PLEKHG1: variants seen among roughly 807,000 people sequenced by gnomAD.
PLEKHG1 encodes the protein pleckstrin homology domain-containing family G member 1.
Under a neutral mutation model 100.8 loss-of-function variants are expected in PLEKHG1, and 44 were observed. The ratio of observed to expected loss-of-function variants is 0.44; its 90% CI spans 0.34 to 0.56. PLEKHG1 has a LOEUF of 0.56. Ranked by LOEUF, PLEKHG1 falls within the 20% of genes least tolerant of loss-of-function variation. PLEKHG1 has a pLI of 0.01. For synonymous variants in PLEKHG1, 640 were observed against 662.5 expected, an observed-to-expected ratio of 0.97 and a Z score of 0.52; for missense variants, 1,545 against 1,720.9, an observed-to-expected ratio of 0.90 and a Z score of 1.81.
At chr6:150,817,067 G>A (rs148765025) in intron 10 of PLEKHG1, among the ~76,000 whole-genome samples, 261 of 152,302 alleles carry the variant, frequency 1.7e-3, no homozygotes, top group Middle Eastern at 6.8e-3. Context: ...CCTGCTGTGC[G>A]GCCCAGTTCC....
intron 14 of PLEKHG1, 24 bp downstream of exon 15, chr6:150,823,700 T>G: frequency 6.3e-7 from 1 of 1,597,302 alleles, no homozygotes; most frequent in African/African-American, 1.3e-5. Flanking sequence ...CATTTCTTAC[T>G]TGGAAATGTT....
upstream of PLEKHG1, among the ~76,000 whole-genome samples, chr6:150,718,533 G>A (rs1039112581): frequency 6.8e-6 from 1 of 146,656 alleles, no homozygotes; most frequent in East Asian, 2.0e-4. Context: ...GCAGAGGCAC[G>A]ATCTCGGCTC....
intron 6 of PLEKHG1, among the ~76,000 whole-genome samples, chr6:150,804,161 A>ATG (rs1562532271): frequency 3.1e-5 from 1 of 31,906 alleles, no homozygotes; most frequent in African/African-American, 8.3e-5. Context: ...TATTTTATAT[A>ATG]TATATATATA....
At chr6:150,739,287 A>G in intron 2 of PLEKHG1, among the ~76,000 whole-genome samples, 1 of 152,258 alleles carries the variant, frequency 6.6e-6, no homozygotes, top group East Asian at 1.9e-4. Context: ...GTTAATTACA[A>G]CGTGATTTTA....
exon 14 of PLEKHG1, chr6:150,823,667 C>T (rs1583201267): frequency 1.2e-6 from 2 of 1,610,314 alleles, no homozygotes; most frequent in South Asian, 1.1e-5. Flanking sequence ...CAGCACAAGA[C>T]ATCCAAAAGG....
chr6:150,804,574 G>GAA (rs549474947), intron 6 of PLEKHG1, 36 bp from the exon 8 acceptor site: 3,130 of 1,133,914 alleles, frequency 2.8e-3, no homozygotes, highest in African/African-American at 8.1e-3. Flanking sequence ...AAAATAAAAT[G>GAA]AAAAAAAAAA....
At chr6:150,750,275 G>A (rs901169879) in intron 2 of PLEKHG1, among the ~76,000 whole-genome samples, 1 of 152,142 alleles carries the variant, frequency 6.6e-6, no homozygotes, top group African/African-American at 2.4e-5. Flanking sequence ...CTGGTTAGGA[G>A]GAACAGCTGA....
At chr6:150,814,474 A>G (rs997656315) in intron 10 of PLEKHG1, among the ~76,000 whole-genome samples, 4 of 152,240 alleles carry the variant, frequency 2.6e-5, no homozygotes, top group African/African-American at 9.6e-5. Context: ...GTTACAACTT[A>G]TTGAGCATAC....
intron 7 of PLEKHG1, among the ~76,000 whole-genome samples, chr6:150,805,187 G>C (rs1786994965): frequency 6.6e-6 from 1 of 151,940 alleles, no homozygotes; most frequent in South Asian, 2.1e-4. Flanking sequence ...CGCCTGCCTT[G>C]GCCTCCCAAA....
At chr6:150,602,438 C>T (rs1031611046) in intron 1 of PLEKHG1, among the ~76,000 whole-genome samples, 4 of 152,216 alleles carry the variant, frequency 2.6e-5, no homozygotes, top group Non-Finnish European at 5.9e-5. Flanking sequence ...GTGATGCTCA[C>T]ATCTACGTCT....
rs114255846 is a variant in PLEKHG1 at position 150,640,123 on chromosome 6, G to C, written c.-158+1998G>C. Among the ~76,000 whole-genome samples the C allele has an allele frequency of 9.2e-3, 1,400 of 152,378 alleles. 17 individuals are homozygous for C. The highest frequency in any genetic ancestry group is 0.032 in the African/African-American group (1,348 of 41,582). Reference sequence around the variant, plus strand: ...ACCCATCTGGCCCTACCTGCTGTCTGCTAAGCACATGCCCAGGCCGGCGTC... The same window carrying C: ...ACCCATCTGGCCCTACCTGCTGTCTCCTAAGCACATGCCCAGGCCGGCGTC... On this transcript the variant is annotated intron_variant, in intron 2 of 3. Coordinates refer to the PLEKHG1 transcript ENST00000367326.
At chr6:150,693,104 G>T (rs1164515159) in intron 3 of PLEKHG1, among the ~76,000 whole-genome samples, 6 of 152,044 alleles carry the variant, frequency 3.9e-5, no homozygotes, top group Non-Finnish European at 5.9e-5. Context: ...CCTGGCCAAC[G>T]TAGTGAAACA....
At chr6:150,809,592 G>A (rs775976296) in intron 9 of PLEKHG1, 56 bp from the exon 11 acceptor site, 33 of 1,526,186 alleles carry the variant, frequency 2.2e-5, no homozygotes, top group Non-Finnish European at 2.7e-5. Flanking sequence ...TCTCATCAGA[G>A]GGTCCTGTGG....
chr6:150,665,630 AAAAAATAAAAATAAAAAT>A (rs149374779), intron 3 of PLEKHG1, among the ~76,000 whole-genome samples: 3 of 148,272 alleles, frequency 2.0e-5, no homozygotes, highest in Non-Finnish European at 3.0e-5. Flanking sequence ...ACTCCATCTC[AAAAAATAAAAATAAAAAT>A]AAAAATAAAA....
intron 3 of PLEKHG1, among the ~76,000 whole-genome samples, chr6:150,710,289 C>A (rs1200427982): frequency 1.3e-5 from 2 of 152,214 alleles, no homozygotes. Context: ...AGTAGCCAGA[C>A]AAACAGTGGC....
At chr6:150,644,369 C>G (rs1202817032) in intron 2 of PLEKHG1, among the ~76,000 whole-genome samples, 4 of 94,970 alleles carry the variant, frequency 4.2e-5, no homozygotes, top group East Asian at 3.2e-4. Context: ...GAGTCTCACT[C>G]TGTCACCCAG....
rs57840463 is a variant in PLEKHG1 at position 150,644,334 on chromosome 6, G to GTTTTTTTTTTT, written c.-158+6217_-158+6227dup. On this transcript the variant is annotated intron_variant, in intron 2 of 3. Coordinates refer to the PLEKHG1 transcript ENST00000367326. ...AAGAGAGTGGTTTTTTTCTTTTCGTGTTTTTTTTTTTTTTTTTTGTTACAG... is the reference window on the plus strand; with the variant it reads ...AAGAGAGTGGTTTTTTTCTTTTCGTGTTTTTTTTTTTTTTTTTTTTTTTTTTTTTGTTACAG... Among the ~76,000 whole-genome samples the GTTTTTTTTTTT allele has an allele frequency of 3.8e-3, 441 of 117,556 alleles. 6 individuals carry two copies. The highest frequency in any genetic ancestry group is 7.9e-3 in the African/African-American group (226 of 28,590). The allele number at this position is 117,556 out of a possible 152,430, so 77.1% of individuals were successfully genotyped here.
At chr6:150,648,740 G>A (rs1377261822) in intron 2 of PLEKHG1, among the ~76,000 whole-genome samples, 1 of 152,032 alleles carries the variant, frequency 6.6e-6, no homozygotes, top group Non-Finnish European at 1.5e-5. Flanking sequence ...TATAGTTTGG[G>A]AATTATCTAA....
chr6:150,710,912 T>C (rs1781220332), intron 3 of PLEKHG1, among the ~76,000 whole-genome samples: 2 of 152,116 alleles, frequency 1.3e-5, no homozygotes. Flanking sequence ...CACGTTTCCA[T>C]AGTGCCTGTG....
Sources: gnomAD v4.1 joint callset for allele counts (sites outside exome capture counted in the v4.1 genomes callset) on GRCh38, gnomAD v4.1.1 for gene constraint, MANE v1.5 for transcripts, NCBI Gene and HGNC (gene_info 2026-07-23, HGNC 2026-07-21) for gene names.